SKA2: variants seen among roughly 807,000 people sequenced by gnomAD.
SKA2 encodes spindle and kinetochore associated complex subunit 2, also known as spindle and kinetochore-associated protein 2.
A neutral mutation model predicts 16.9 loss-of-function variants in SKA2; 13 were observed. The ratio of observed to expected loss-of-function variants is 0.77; its 90% CI spans 0.50 to 1.22. The LOEUF (loss-of-function observed/expected upper bound fraction) is 1.22, where lower values mean the gene tolerates loss of function less well. Among genes scored for constraint, SKA2 ranks in the 50% most tolerant of loss-of-function variants. The pLI is 0.00. For synonymous variants in SKA2, 47 were observed against 48.5 expected, an observed-to-expected ratio of 0.97 and a Z score of 0.13; for missense variants, 107 against 139.7, an observed-to-expected ratio of 0.77 and a Z score of 1.18.
intron 1 of SKA2, among the ~76,000 whole-genome samples, chr17:59,146,597 TA>T (rs2046534173): frequency 6.6e-6 from 1 of 152,220 alleles, no homozygotes; most frequent in Non-Finnish European, 1.5e-5. Context: ...TGAGATAAAT[TA>T]GAAGTACGAG....
rs576265559 is a variant in SKA2 at position 59,117,155 on chromosome 17, G to A, written c.297+2164C>T. Among the ~76,000 whole-genome samples, 6 of 151,902 alleles carry A rather than the reference G, an allele frequency of 3.9e-5. No individual in the cohort carries two copies. The East Asian group carries it at 1.2e-3, about 29-fold the overall frequency. ...ACTAATTTCACAGGTTTGTCCCTGTGACCTTTTAATATTTGAAATTTATTT... is the reference window on the plus strand; with the variant it reads ...ACTAATTTCACAGGTTTGTCCCTGTAACCTTTTAATATTTGAAATTTATTT... On this transcript the variant is annotated intron_variant, in intron 3 of 3. Coordinates refer to ENST00000330137, the MANE Select transcript of SKA2 (RefSeq NM_182620.4).
chr17:59,151,102 G>A (rs754026721), intron 1 of SKA2: 4 of 483,602 alleles, frequency 8.3e-6, no homozygotes, highest in South Asian at 6.0e-5. Flanking sequence ...ACCGAAGAAA[G>A]ATGTAAGGTA....
intron 3 of SKA2, among the ~76,000 whole-genome samples, chr17:59,115,302 C>T (rs2046289143): frequency 6.6e-6 from 1 of 152,078 alleles, no homozygotes; most frequent in African/African-American, 2.4e-5. Context: ...AGGTGATCCA[C>T]CTGTCTCGGC....
At chr17:59,131,187 C>G (rs1444028917) in intron 2 of SKA2, 94 bp downstream of exon 2, 4 of 777,480 alleles carry the variant, frequency 5.1e-6, no homozygotes, top group South Asian at 2.4e-5. Flanking sequence ...TAATATAATT[C>G]TTATGATCTA....
At chr17:59,153,341 A>G (rs1243400728) in intron 1 of SKA2, among the ~76,000 whole-genome samples, 1 of 152,212 alleles carries the variant, frequency 6.6e-6, no homozygotes, top group African/African-American at 2.4e-5. Flanking sequence ...TTAAATGATA[A>G]TAAAACTTAA....
intron 2 of SKA2, among the ~76,000 whole-genome samples, chr17:59,130,007 AAAAG>A (rs1048906106): frequency 7.5e-6 from 1 of 133,328 alleles, no homozygotes; most frequent in Non-Finnish European, 1.6e-5. Flanking sequence ...GGAAGAGAGA[AAAAG>A]AGAGGGAGGG....
chr17:59,145,274 A>G (rs2046523349), intron 1 of SKA2, among the ~76,000 whole-genome samples: 1 of 152,224 alleles, frequency 6.6e-6, no homozygotes, highest in Admixed American at 6.5e-5. Flanking sequence ...AATAAACAGT[A>G]TGGTAAGAAA....
chr17:59,116,034 T>G (rs139449250), intron 3 of SKA2, among the ~76,000 whole-genome samples: 100 of 152,274 alleles, frequency 6.6e-4, no homozygotes, highest in African/African-American at 2.4e-3. Flanking sequence ...TAGTCCCTTT[T>G]TTCTTTTGAT....
At chr17:59,131,181 A>G in intron 2 of SKA2, 100 bp downstream of exon 2, 1 of 746,166 alleles carries the variant, frequency 1.3e-6, no homozygotes, top group Non-Finnish European at 2.1e-6. Context: ...ACTTAATAAT[A>G]TAATTCTTAT....
intron 1 of SKA2, among the ~76,000 whole-genome samples, chr17:59,143,252 G>A (rs1160258231): frequency 6.7e-6 from 1 of 149,796 alleles, no homozygotes; most frequent in African/African-American, 2.5e-5. Flanking sequence ...CACCCAGGCT[G>A]GAGTGCAGTG....
intron 1 of SKA2, among the ~76,000 whole-genome samples, chr17:59,132,757 C>T (rs967957791): frequency 3.3e-5 from 5 of 152,194 alleles, no homozygotes; most frequent in African/African-American, 1.2e-4. Flanking sequence ...GGGGCTTTCA[C>T]ATTTTACTCT....
chr17:59,137,906 G>T, intron 1 of SKA2: 1 of 485,126 alleles, frequency 2.1e-6, no homozygotes, highest in South Asian at 1.6e-5. Flanking sequence ...AATTCACTAA[G>T]CAATTATGAT....
intron 2 of SKA2, among the ~76,000 whole-genome samples, chr17:59,130,146 T>C (rs1363322973): frequency 6.6e-6 from 1 of 152,070 alleles, no homozygotes; most frequent in African/African-American, 2.4e-5. Flanking sequence ...AATTCTAGCA[T>C]TCCATGAAAT....
At chr17:59,112,547 CT>C (rs955149519) in intron 3 of SKA2, among the ~76,000 whole-genome samples, 10 of 152,154 alleles carry the variant, frequency 6.6e-5, no homozygotes, top group African/African-American at 2.4e-4. Context: ...TTCTAAAGAA[CT>C]TGCAATTAAG....
At chr17:59,150,754 A>G (rs2046571450) in intron 1 of SKA2, among the ~76,000 whole-genome samples, 3 of 152,130 alleles carry the variant, frequency 2.0e-5, no homozygotes, top group African/African-American at 7.2e-5. Flanking sequence ...GAGAAAAAAA[A>G]ATGACTTGGG....
rs2046260996 is a variant in SKA2, at chr17:59,111,044, G to A, written c.*1233C>T. 1 of 151,824 alleles carries A rather than the reference G, an allele frequency of 6.6e-6. No homozygotes were observed. Among genetic ancestry groups the A allele is most frequent in the African/African-American group, 2.4e-5 (1 of 41,332 alleles). The allele number at this position is 151,824 out of a possible 1,614,324, so 9.4% of individuals were successfully genotyped here. On this transcript the variant is annotated 3_prime_UTR_variant, in exon 4 of 4. Coordinates refer to ENST00000330137, the MANE Select transcript of SKA2 (RefSeq NM_182620.4). ...TTACATGTATGTAATATCACTTATT[G>A]AAGGCTTACTAAATACTGAACCCTG... is the stretch of plus-strand genomic sequence containing the variant.
chr17:59,150,429 AAATTAACACC>A (rs1285165531), intron 1 of SKA2, among the ~76,000 whole-genome samples: 2 of 152,160 alleles, frequency 1.3e-5, no homozygotes, highest in Non-Finnish European at 2.9e-5. Context: ...ACAATACACA[AAATTAACACC>A]AATTAAGATT....
chr17:59,127,785 G>A (rs943863199), intron 2 of SKA2, among the ~76,000 whole-genome samples: 5 of 151,956 alleles, frequency 3.3e-5, no homozygotes, highest in African/African-American at 1.2e-4. Flanking sequence ...TTATCATATG[G>A]CCAGCAATTC....
At position 59,141,270 on chromosome 17, in the gene SKA2, G is replaced by A. The variant is rs142067916; in HGVS notation, c.34-9903C>T. ...AAATTGGCTGGGTATAGTGGCGTGC[G>A]CCTGTAGTCCCAGCTACTAGGGAGG... On this transcript the variant is annotated intron_variant, in intron 1 of 3. Coordinates refer to ENST00000330137, the MANE Select transcript of SKA2 (RefSeq NM_182620.4). Among the ~76,000 whole-genome samples, 14 of 152,134 alleles carry A rather than the reference G, an allele frequency of 9.2e-5. No homozygotes were observed. The East Asian group carries it at 9.7e-4, about 11-fold the overall frequency.
Sources: gnomAD v4.1 joint callset for allele counts (sites outside exome capture counted in the v4.1 genomes callset) on GRCh38, gnomAD v4.1.1 for gene constraint, MANE v1.5 for transcripts, NCBI Gene and HGNC (gene_info 2026-07-23, HGNC 2026-07-21) for gene names.